Variants in LCLAT1 observed in about 807,000 individuals in gnomAD.
LCLAT1 encodes the protein 1-AGP acyltransferase 8.
In LCLAT1, 11 loss-of-function variants were observed where a neutral mutation model predicts 30.7. That is an observed-to-expected ratio of 0.36 (90% confidence interval 0.23 to 0.59). The LOEUF (loss-of-function observed/expected upper bound fraction) is 0.59, where lower values mean the gene tolerates loss of function less well. LCLAT1 is among the 20% of genes least tolerant of loss of function. The pLI, the probability that LCLAT1 is intolerant of heterozygous loss-of-function variation, is 0.77. For missense variants in LCLAT1, 402 were observed against 458.6 expected, an observed-to-expected ratio of 0.88 and a Z score of 1.13; for synonymous variants, 155 against 151.3, an observed-to-expected ratio of 1.02 and a Z score of -0.18.
At chr2:30,581,790 G>A (rs1174364443) in intron 5 of LCLAT1, among the ~76,000 whole-genome samples, 1 of 152,076 alleles carries the variant, frequency 6.6e-6, no homozygotes, top group East Asian at 1.9e-4. Flanking sequence ...TTGGTTAATG[G>A]ATACAACAGC....
At chr2:30,587,120 G>C (rs2148473649) in intron 5 of LCLAT1, among the ~76,000 whole-genome samples, 1 of 152,306 alleles carries the variant, frequency 6.6e-6, no homozygotes, top group South Asian at 2.1e-4. Context: ...ACTAACACTT[G>C]ATCCTAATGG....
chr2:30,447,910 T>TG (rs1300640554), intron 1 of LCLAT1, among the ~76,000 whole-genome samples: 1 of 152,264 alleles, frequency 6.6e-6, no homozygotes, highest in East Asian at 1.9e-4. Flanking sequence ...GCCAAAGGCC[T>TG]GCCTGTAGGT....
intron 5 of LCLAT1, among the ~76,000 whole-genome samples, chr2:30,605,136 GT>G (rs1667377129): frequency 6.6e-6 from 1 of 152,200 alleles, no homozygotes; most frequent in Non-Finnish European, 1.5e-5. Flanking sequence ...AGACCAAAAT[GT>G]TTGTGTGTAT....
chr2:30,450,109 A>C (rs533349898), intron 1 of LCLAT1, among the ~76,000 whole-genome samples: 1 of 152,338 alleles, frequency 6.6e-6, no homozygotes, highest in African/African-American at 2.4e-5. Context: ...CCAGGTCCAG[A>C]AGTTTGTAGA....
At chr2:30,448,577 GC>G (rs1255254045) in intron 1 of LCLAT1, among the ~76,000 whole-genome samples, 5 of 152,194 alleles carry the variant, frequency 3.3e-5, no homozygotes, top group African/African-American at 1.2e-4. Flanking sequence ...TCTCTGGAGT[GC>G]CAACTATGTG....
intron 1 of LCLAT1, among the ~76,000 whole-genome samples, chr2:30,493,259 G>T (rs1398476761): frequency 6.6e-6 from 1 of 152,216 alleles, no homozygotes; most frequent in Admixed American, 6.5e-5. Flanking sequence ...AAGGAAATTT[G>T]TAAGGCAGTA....
chr2:30,546,762 T>G (rs1188215956), intron 3 of LCLAT1, among the ~76,000 whole-genome samples: 4 of 152,138 alleles, frequency 2.6e-5, no homozygotes, highest in East Asian at 3.8e-4. Flanking sequence ...AAACTCCCCC[T>G]TTCTTACCCA....
intron 1 of LCLAT1, 126 bp from the exon 2 acceptor site, chr2:30,525,461 A>G (rs1685664680): frequency 4.1e-6 from 3 of 723,728 alleles, no homozygotes; most frequent in Non-Finnish European, 7.0e-6. Flanking sequence ...TCAGACTCTT[A>G]TATTGTTTCT....
chr2:30,519,471 G>A (rs60320955), intron 1 of LCLAT1, among the ~76,000 whole-genome samples: 3,496 of 152,218 alleles, frequency 0.023, 124 homozygotes, highest in African/African-American at 0.079. Context: ...CTCCCCAACA[G>A]CACTTGGGTT....
chr2:30,572,817 T>G (rs1162396486), intron 5 of LCLAT1, among the ~76,000 whole-genome samples: 1 of 152,070 alleles, frequency 6.6e-6, no homozygotes, highest in African/African-American at 2.4e-5. Flanking sequence ...TGTAAGCCTC[T>G]TTTATTTTTC....
At chr2:30,531,995 TAGA>T (rs1686005629) in intron 2 of LCLAT1, among the ~76,000 whole-genome samples, 1 of 152,228 alleles carries the variant, frequency 6.6e-6, no homozygotes, top group African/African-American at 2.4e-5. Flanking sequence ...CTCCTTTTGG[TAGA>T]AGTATTCATT....
intron 4 of LCLAT1, 78 bp downstream of exon 4, chr2:30,562,370 C>T: frequency 8.5e-7 from 1 of 1,181,786 alleles, no homozygotes; most frequent in East Asian, 2.5e-5. Context: ...TAACTGAACA[C>T]CAACAAGAAT....
chr2:30,538,003 A>G (rs2148404725), intron 3 of LCLAT1, among the ~76,000 whole-genome samples: 1 of 152,296 alleles, frequency 6.6e-6, no homozygotes, highest in East Asian at 1.9e-4. Context: ...GAAATTAAGA[A>G]GGAAATAAAA....
intron 1 of LCLAT1, among the ~76,000 whole-genome samples, chr2:30,475,566 G>T (rs1435628241): frequency 1.3e-5 from 2 of 152,136 alleles, no homozygotes; most frequent in Non-Finnish European, 2.9e-5. Context: ...TAATTTGTCA[G>T]AATCTTCATT....
chr2:30,476,731 A>C (rs1572497858), intron 1 of LCLAT1: 2 of 289,690 alleles, frequency 6.9e-6, no homozygotes, highest in Admixed American at 4.1e-5. Context: ...TCCTGAAACC[A>C]CCCCTTCCCC....
At chr2:30,453,009 G>A (rs1368196637) in intron 1 of LCLAT1, among the ~76,000 whole-genome samples, 2 of 152,162 alleles carry the variant, frequency 1.3e-5, no homozygotes, top group Non-Finnish European at 2.9e-5. Context: ...TCGCAGTTGA[G>A]TTCTGAAGAC....
intron 1 of LCLAT1, among the ~76,000 whole-genome samples, chr2:30,521,361 G>A (rs575803714): frequency 3.3e-5 from 5 of 152,046 alleles, no homozygotes; most frequent in East Asian, 3.9e-4. Flanking sequence ...GTTGCACCGT[G>A]GACTCACCCT....
At chr2:30,604,242 G>A (rs1667322948) in intron 5 of LCLAT1, among the ~76,000 whole-genome samples, 1 of 152,150 alleles carries the variant, frequency 6.6e-6, no homozygotes. Context: ...GGGATAATTG[G>A]AATGCATCCA....
At chr2:30,577,743 A>G (rs1666056753) in intron 5 of LCLAT1, among the ~76,000 whole-genome samples, 1 of 152,116 alleles carries the variant, frequency 6.6e-6, no homozygotes, top group African/African-American at 2.4e-5. Context: ...TGGGGAAAAA[A>G]TCACTGTCTT....
Sources: gnomAD v4.1 joint callset for allele counts (sites outside exome capture counted in the v4.1 genomes callset) on GRCh38, gnomAD v4.1.1 for gene constraint, MANE v1.5 for transcripts, NCBI Gene and HGNC (gene_info 2026-07-23, HGNC 2026-07-21) for gene names.